The following SPATA7 variants were observed in gnomAD, a reference collection of about 807,000 sequenced individuals.
SPATA7 encodes the protein spermatogenesis-associated protein 7.
In SPATA7, 43 loss-of-function variants were observed where a neutral mutation model predicts 51.8. The observed-to-expected ratio is 0.83, with a 90% CI of 0.65 to 1.07. The LOEUF is 1.07. Among genes scored for constraint, SPATA7 ranks in the 50% least tolerant of loss-of-function variants. SPATA7 has a pLI of 0.00. For missense variants in SPATA7, 683 were observed against 701.3 expected, an observed-to-expected ratio of 0.97 and a Z score of 0.30; for synonymous variants, 230 against 252.8, an observed-to-expected ratio of 0.91 and a Z score of 0.86.
At chr14:88,470,030 T>C in exon 5 of SPATA7, 1 of 1,613,360 alleles carries the variant, frequency 6.2e-7, no homozygotes, top group Non-Finnish European at 8.5e-7. Context: ...TATAATCCCA[T>C]TCGATTCCAC....
At chr14:88,432,082 T>A (rs2076958236) in intron 9 of SPATA7, among the ~76,000 whole-genome samples, 1 of 152,226 alleles carries the variant, frequency 6.6e-6, no homozygotes, top group Middle Eastern at 3.4e-3. Flanking sequence ...ATTTTTTAAG[T>A]AAAAATAATA....
chr14:88,457,016 T>C (rs189377288), downstream of SPATA7, among the ~76,000 whole-genome samples: 151 of 152,334 alleles, frequency 9.9e-4, 2 homozygotes, highest in African/African-American at 3.3e-3. Flanking sequence ...GTCAGGTTTG[T>C]CAAAGATCAG....
chr14:88,419,674 C>T (rs1360024591), intron 5 of SPATA7, among the ~76,000 whole-genome samples: 5 of 151,726 alleles, frequency 3.3e-5, no homozygotes, highest in South Asian at 2.1e-4. Flanking sequence ...TACAGGCACC[C>T]GCCACCACGC....
intron 2 of SPATA7, 191 bp downstream of exon 2, chr14:88,391,646 T>C (rs181348960): frequency 4.8e-5 from 31 of 650,290 alleles, no homozygotes; most frequent in Non-Finnish European, 7.3e-5. Flanking sequence ...CAAACTATTA[T>C]TGTGCCCTGG....
chr14:88,449,647 A>G (rs1234271868), intron 3 of SPATA7, among the ~76,000 whole-genome samples: 1 of 152,128 alleles, frequency 6.6e-6, no homozygotes, highest in African/African-American at 2.4e-5. Context: ...TTCTGTCTTG[A>G]TGACCTGTCT....
At chr14:88,438,949 C>G (rs1245603018), downstream of SPATA7, among the ~76,000 whole-genome samples, 4 of 152,158 alleles carry the variant, frequency 2.6e-5, no homozygotes, top group Non-Finnish European at 5.9e-5. Context: ...TGGGTAGAAG[C>G]AAGTCACAGG....
chr14:88,417,196 G>A (rs563601905), intron 5 of SPATA7, among the ~76,000 whole-genome samples: 1 of 151,224 alleles, frequency 6.6e-6, no homozygotes, highest in African/African-American at 2.4e-5. Flanking sequence ...AGTTTGTGAA[G>A]TTTTTTTTTT....
intron 4 of SPATA7, among the ~76,000 whole-genome samples, chr14:88,415,475 G>A (rs903996529): frequency 2.7e-5 from 4 of 149,264 alleles, no homozygotes; most frequent in African/African-American, 1.0e-4. Flanking sequence ...GATAGTAGAA[G>A]GTTGGGTCTT....
intron 4 of SPATA7, among the ~76,000 whole-genome samples, chr14:88,414,502 C>G (rs1183102372): frequency 6.6e-6 from 1 of 152,070 alleles, no homozygotes; most frequent in Non-Finnish European, 1.5e-5. Flanking sequence ...TTTCAAAAAA[C>G]CAACTTTTTG....
At chr14:88,401,576 C>T (rs2076057906) in intron 4 of SPATA7, among the ~76,000 whole-genome samples, 1 of 151,998 alleles carries the variant, frequency 6.6e-6, no homozygotes, top group Non-Finnish European at 1.5e-5. Flanking sequence ...TGGTTCACTC[C>T]TGTAATTGCA....
At chr14:88,404,641 C>A (rs111331649) in intron 4 of SPATA7, among the ~76,000 whole-genome samples, 2 of 152,024 alleles carry the variant, frequency 1.3e-5, no homozygotes, top group Non-Finnish European at 2.9e-5. Flanking sequence ...CACTTGAACC[C>A]GGGAGGGGGA....
downstream of SPATA7, among the ~76,000 whole-genome samples, chr14:88,441,394 T>C (rs2077177947): frequency 6.6e-6 from 1 of 152,220 alleles, no homozygotes. Context: ...AAATGGTAGA[T>C]CTACCTTTAG....
rs2075873644 is a variant in SPATA7 at position 88,396,153 on chromosome 14, C to G, written c.191-3C>G. On this transcript the variant is annotated splice_region_variant and splice_polypyrimidine_tract_variant and intron_variant, in intron 3 of 11. Transcript: ENST00000393545. ...TTATTAAACTATTACCTTTCTCTTT[C>G]AGCTGCAGTAGACTGCTCGGTTCCA... is the stretch of plus-strand genomic sequence containing the variant. The G allele has an allele frequency of 6.2e-7, 1 of 1,607,504 alleles. No homozygotes were observed. Among genetic ancestry groups the G allele is most frequent in the Non-Finnish European group, 8.5e-7 (1 of 1,175,176 alleles).
chr14:88,469,136 C>T lies in SPATA7; in HGVS notation c.255-711C>T, dbSNP rs1374550283. 2.0e-6 allele frequency: 3 copies of T among 1,526,304 alleles called. No homozygotes were observed. Among genetic ancestry groups the T allele is most frequent in the Non-Finnish European group, 1.8e-6 (2 of 1,121,898 alleles). The allele number at this position is 1,526,304 out of a possible 1,614,324, so 94.5% of individuals were successfully genotyped here. On this transcript the variant is annotated intron_variant, in intron 4 of 4. Coordinates refer to the SPATA7 transcript ENST00000556406. The surrounding 1 kb of genome is among the most constrained non-coding windows in gnomAD (Gnocchi z 4.3). ...GGATCAAGGCGTATCACATTGTTGA[C>T]TCAATCTTCATATTCTCTCCACTGA...
downstream of SPATA7, among the ~76,000 whole-genome samples, chr14:88,456,863 A>C (rs1195356272): frequency 2.0e-5 from 3 of 152,192 alleles, no homozygotes; most frequent in African/African-American, 7.2e-5. Flanking sequence ...TTTAGGTCTA[A>C]CATTTAAGTC....
rs867174529 is a variant in SPATA7, at chr14:88,446,915, A to G, written c.178-8145A>G. Among the ~76,000 whole-genome samples the G allele has an allele frequency of 4.8e-4, 73 of 152,252 alleles. 1 individual carries two copies. The highest frequency in any genetic ancestry group is 3.4e-3 in the Middle Eastern group (1 of 294). On this transcript the variant is annotated intron_variant, in intron 3 of 3. Coordinates refer to the SPATA7 transcript ENST00000554802. ...AGCTTTACTTCCAAGTATGTGGTCA[A>G]TTTTGGAATAGGTGTGGTGTGGTGC...
intron 4 of SPATA7, among the ~76,000 whole-genome samples, chr14:88,408,396 A>G (rs2076253431): frequency 6.6e-6 from 1 of 152,080 alleles, no homozygotes; most frequent in Non-Finnish European, 1.5e-5. Context: ...TTCACTCATG[A>G]TTTGGCTGTC....
rs57942112 is a variant in SPATA7, at chr14:88,401,836, CAAA to C, written c.238+5657_238+5659del. ...TGGGCAGCAGAGAAAGACCCTGTCT[CAAA>C]AAAAAAAAAAAAAAAAAAAAAAAGT... On this transcript the variant is annotated intron_variant, in intron 4 of 11. Transcript: ENST00000393545. Among the ~76,000 whole-genome samples the C allele has an allele frequency of 9.0e-5, 3 of 33,218 alleles. No homozygotes were observed. The South Asian group carries it at 3.5e-3, about 39-fold the overall frequency. The allele number at this position is 33,218 out of a possible 152,430, so 21.8% of individuals were successfully genotyped here.
chr14:88,394,202 G>GT (rs2139876037), intron 3 of SPATA7, among the ~76,000 whole-genome samples: 2 of 152,276 alleles, frequency 1.3e-5, no homozygotes, highest in African/African-American at 4.8e-5. Flanking sequence ...GTAACAGACT[G>GT]TATCACCCTG....
Sources: allele counts gnomAD v4.1 joint callset (sites outside exome capture counted in the v4.1 genomes callset), GRCh38; gene constraint gnomAD v4.1.1; non-coding constraint Gnocchi (gnomAD v3.1); transcripts MANE v1.5; gene names NCBI Gene and HGNC (gene_info 2026-07-23, HGNC 2026-07-21).